The following HMCN1 variants were observed in gnomAD, a reference collection of about 807,000 sequenced individuals.
HMCN1 encodes the protein hemicentin-1.
A neutral mutation model predicts 625.9 loss-of-function variants in HMCN1; 321 were observed. The ratio of observed to expected loss-of-function variants is 0.51; its 90% CI spans 0.47 to 0.56. The LOEUF (loss-of-function observed/expected upper bound fraction) is 0.56. Among genes scored for constraint, HMCN1 ranks in the 20% least tolerant of loss-of-function variants. The probability of loss-of-function intolerance (pLI) is 0.00; values close to 1 mark genes in which losing one functional copy is unlikely to be tolerated. For synonymous variants in HMCN1, 2,425 were observed against 2,417.6 expected, an observed-to-expected ratio of 1.00 and a Z score of -0.09; for missense variants, 6,588 against 6,887.3, an observed-to-expected ratio of 0.96 and a Z score of 1.54.
At chr1:185,737,744 G>A (rs1442679961) in intron 1 of HMCN1, among the ~76,000 whole-genome samples, 3 of 151,966 alleles carry the variant, frequency 2.0e-5, no homozygotes, top group East Asian at 1.9e-4. Flanking sequence ...GACATCTATC[G>A]CATTTAGCTA....
chr1:186,108,589 C>T lies in HMCN1; in HGVS notation c.10981C>T (p.Arg3661Trp), dbSNP rs770186866. 5.0e-6 allele frequency: 8 copies of T among 1,613,854 alleles called. No homozygotes were observed. In the South Asian group the frequency reaches 6.6e-5, roughly 13 times the overall value. The change falls in exon 71 of 107, where the codon CGG (arginine) becomes TGG (tryptophan). Residue 3661 changes from arginine to tryptophan, a missense_variant. Physicochemically the swap from Arg to Trp is moderately radical, Grantham distance 101. Coordinates refer to ENST00000271588, the MANE Select transcript of HMCN1 (RefSeq NM_031935.3). ...AATTACTTGGCTCAGAAATGGAGAA[C>T]GGTTACAGGTAAATTTTTTGATAAG... ...PVITWLRNGERLQATPRVRIL... is the reference protein window; with the variant it reads ...PVITWLRNGEWLQATPRVRIL...
At chr1:185,859,101 T>C (rs1662704354) in intron 2 of HMCN1, among the ~76,000 whole-genome samples, 1 of 148,856 alleles carries the variant, frequency 6.7e-6, no homozygotes, top group Non-Finnish European at 1.5e-5. Flanking sequence ...TATGTGTGTG[T>C]ATATATATAA....
At position 185,963,841 on chromosome 1, in the gene HMCN1, C is replaced by T. The variant is rs778856318; in HGVS notation, c.2044C>T (p.Leu682=). The T allele has an allele frequency of 6.2e-7, 1 of 1,611,812 alleles. No homozygotes were observed. Among genetic ancestry groups the T allele is most frequent in the Non-Finnish European group, 8.5e-7 (1 of 1,178,272 alleles). Residue 682 remains leucine, a synonymous_variant, in exon 13 of 107, where the codon CTA becomes TTA. Transcript: ENST00000271588. ...CAAAGATGCAGGGATCTATGGTTGC[C>T]TAGCAAGTAATTCAGCTGGAACAGA... ...APKDAGIYGC[L]ASNSAGTDKQ... is the part of the protein sequence containing the mutation.
chr1:185,878,386 A>C (rs955186412), intron 4 of HMCN1, among the ~76,000 whole-genome samples: 1 of 152,130 alleles, frequency 6.6e-6, no homozygotes, highest in East Asian at 1.9e-4. Context: ...TCTGTTGCAT[A>C]TGGCTTTTGT....
rs768661095 is a variant in HMCN1 at position 185,962,606 on chromosome 1, C to A, written c.1917C>A (p.Pro639=). The part of the protein sequence containing the change: ...VSIMCSATGY[P]KPKIAWTVND... ...TCATGTGTTCTGCAACAGGTTATCC[C>A]AAACCAAAGATTGCCTGGACCGTTA... Residue 639 remains proline, a synonymous_variant, in exon 12 of 107, where the codon CCC becomes CCA. Coordinates refer to ENST00000271588, the MANE Select transcript of HMCN1 (RefSeq NM_031935.3). 9 of 1,592,234 alleles carry A rather than the reference C, an allele frequency of 5.7e-6. No individual in the cohort carries two copies. Among genetic ancestry groups the A allele is most frequent in the African/African-American group, 5.4e-5 (4 of 74,462 alleles).
intron 1 of HMCN1, among the ~76,000 whole-genome samples, chr1:185,740,328 A>G (rs1326199029): frequency 2.6e-5 from 4 of 152,346 alleles, no homozygotes; most frequent in Non-Finnish European, 4.4e-5. Context: ...AGAACATGGT[A>G]TATCTTGCAT....
intron 2 of HMCN1, among the ~76,000 whole-genome samples, chr1:185,860,536 CT>C (rs1397780638): frequency 6.6e-6 from 1 of 151,892 alleles, no homozygotes; most frequent in Non-Finnish European, 1.5e-5. Context: ...AAGGGAATTC[CT>C]GGTTTCAAAG....
Position 185,989,513 on chromosome 1 carries a change from G to T in HMCN1, c.3074G>T (p.Ser1025Ile). The T allele has an allele frequency of 6.2e-7, 1 of 1,614,028 alleles. No individual in the cohort carries two copies. Among genetic ancestry groups the T allele is most frequent in the African/African-American group, 1.3e-5 (1 of 75,030 alleles). ...SKKGELISTS[S>I]AKFSAGADGS... ...AAAGGAGAGCTGATTTCAACCAGCAGTGCTAAGTTTTCAGCAGGAGCTGAT... is the reference window on the plus strand; with the variant it reads ...AAAGGAGAGCTGATTTCAACCAGCATTGCTAAGTTTTCAGCAGGAGCTGAT... Residue 1025 changes from serine to isoleucine, a missense_variant, in exon 21 of 107, where the codon AGT becomes ATT. Physicochemically the swap from Ser to Ile is moderately radical, Grantham distance 142. Around this residue, in one of 3 missense-constraint regions of HMCN1, gnomAD observed 4,628 missense variants for 4,853.1 expected, o/e 0.95. Coordinates refer to ENST00000271588, the MANE Select transcript of HMCN1 (RefSeq NM_031935.3).
intron 6 of HMCN1, among the ~76,000 whole-genome samples, chr1:185,919,098 T>TATA: frequency 1.3e-5 from 2 of 151,334 alleles, no homozygotes; most frequent in African/African-American, 4.9e-5. Flanking sequence ...TATAATTTTA[T>TATA]TACATTTATA....
chr1:185,836,123 G>T (rs983694265), intron 1 of HMCN1, among the ~76,000 whole-genome samples: 3 of 152,130 alleles, frequency 2.0e-5, no homozygotes, highest in African/African-American at 7.2e-5. Context: ...TGCTTTCCTT[G>T]TTATCTTGCC....
chr1:185,914,724 T>A (rs1387162504), intron 6 of HMCN1, among the ~76,000 whole-genome samples: 1 of 151,954 alleles, frequency 6.6e-6, no homozygotes, highest in African/African-American at 2.4e-5. Flanking sequence ...GTCAGATTTT[T>A]TTTTCCCTAA....
intron 11 of HMCN1, among the ~76,000 whole-genome samples, chr1:185,945,890 TTGGTTTTG>T (rs1217686137): frequency 1.3e-5 from 2 of 152,180 alleles, no homozygotes; most frequent in African/African-American, 2.4e-5. Context: ...GAGGAATCAT[TTGGTTTTG>T]TGGTTTTGTG....
chr1:186,021,522 G>C (rs779886997), intron 35 of HMCN1, among the ~76,000 whole-genome samples: 16 of 152,112 alleles, frequency 1.1e-4, no homozygotes, highest in Non-Finnish European at 2.2e-4. Context: ...TGAAAAAGAA[G>C]AGAGGACTGA....
In HMCN1 at chr1:186,129,988, A is replaced by C. The variant is rs756484855; in HGVS notation, c.12927A>C (p.Gly4309=). 1.2e-6 allele frequency: 2 copies of C among 1,613,016 alleles called. No homozygotes were observed. The highest frequency in any genetic ancestry group is 4.5e-5 in the East Asian group (2 of 44,866). The change falls in exon 84 of 107, where the codon GGA becomes GGC. Residue 4309 remains glycine (G), a synonymous_variant. Transcript: ENST00000271588. ...CAGCCCACTTTGACAGTGTGAATGGACACAGTGAACTTGTTATTGAAAGAG... is the reference window on the plus strand; with the variant it reads ...CAGCCCACTTTGACAGTGTGAATGGCCACAGTGAACTTGTTATTGAAAGAG... ...IIPAHFDSVN[G]HSELVIERVS...
chr1:185,982,503 G>T, intron 18 of HMCN1, 114 bp downstream of exon 18: 3 of 971,612 alleles, frequency 3.1e-6, no homozygotes, highest in Admixed American at 2.2e-5. Context: ...TGCAGTGGTG[G>T]GATCTAGGCT....
chr1:185,759,859 A>G (rs1301864021), intron 1 of HMCN1, among the ~76,000 whole-genome samples: 7 of 152,184 alleles, frequency 4.6e-5, no homozygotes, highest in Non-Finnish European at 1.0e-4. Flanking sequence ...GTGAATATGG[A>G]AGACTCTTAA....
intron 1 of HMCN1, among the ~76,000 whole-genome samples, chr1:185,742,856 T>C (rs1404570803): frequency 6.6e-6 from 1 of 152,214 alleles, no homozygotes; most frequent in Non-Finnish European, 1.5e-5. Context: ...GGTGTTTTGC[T>C]ATGCGTAACA....
chr1:185,911,158 A>G (rs1320417791), intron 5 of HMCN1, among the ~76,000 whole-genome samples: 3 of 152,124 alleles, frequency 2.0e-5, no homozygotes, highest in African/African-American at 7.2e-5. Context: ...TCATGTTAGT[A>G]ATACTTTGAG....
At chr1:185,780,869 A>G (rs1222241802) in intron 1 of HMCN1, among the ~76,000 whole-genome samples, 6 of 152,142 alleles carry the variant, frequency 3.9e-5, no homozygotes, top group Non-Finnish European at 2.9e-5. Flanking sequence ...TCATAAAATG[A>G]GTTAGGGAGG....
Sources: gnomAD v4.1 joint callset for allele counts (sites outside exome capture counted in the v4.1 genomes callset) on GRCh38, gnomAD v4.1.1 for gene constraint, gnomAD v4.1.1 regional missense constraint, MANE v1.5 for transcripts, NCBI Gene and HGNC (gene_info 2026-07-23, HGNC 2026-07-21) for gene names.